Variants in PAPOLG observed in about 807,000 individuals in gnomAD.
PAPOLG encodes poly(A) polymerase gamma.
In PAPOLG, 40 loss-of-function variants were observed where a neutral mutation model predicts 99.0. The ratio of observed to expected loss-of-function variants is 0.40; its 90% confidence interval spans 0.31 to 0.53. The LOEUF (loss-of-function observed/expected upper bound fraction) is 0.53. Among genes scored for constraint, PAPOLG ranks in the 20% least tolerant of loss-of-function variants. PAPOLG has a pLI of 0.41. For missense variants in PAPOLG, 675 were observed against 884.1 expected, an observed-to-expected ratio of 0.76 and a Z score of 3.00; for synonymous variants, 310 against 299.3, an observed-to-expected ratio of 1.04 and a Z score of -0.37.
At chr2:60,783,122 C>A in intron 12 of PAPOLG, 34 bp from the exon 13 acceptor site, 1 of 1,526,036 alleles carries the variant, frequency 6.6e-7, no homozygotes, top group Non-Finnish European at 8.8e-7. Context: ...ATTTTTCTGG[C>A]TTTTTTTCCT....
At chr2:60,789,466 C>T (rs542313608) in intron 15 of PAPOLG, among the ~76,000 whole-genome samples, 1 of 152,162 alleles carries the variant, frequency 6.6e-6, no homozygotes, top group East Asian at 1.9e-4. Flanking sequence ...AACTCCTGGG[C>T]TCAAGCAATT....
chr2:60,791,713 C>A, intron 15 of PAPOLG, 48 bp from the exon 16 acceptor site: 1 of 1,558,386 alleles, frequency 6.4e-7, no homozygotes, highest in African/African-American at 1.4e-5. Flanking sequence ...AGGCAGAACC[C>A]TTGGTTCAGA....
intron 6 of PAPOLG, 83 bp from the exon 7 acceptor site, chr2:60,771,436 T>G (rs1156692100): frequency 1.4e-6 from 2 of 1,452,276 alleles, no homozygotes; most frequent in Non-Finnish European, 1.8e-6. Context: ...ACCAGAGCTT[T>G]TCACATTTTT....
intron 10 of PAPOLG, among the ~76,000 whole-genome samples, chr2:60,781,510 C>T (rs962679229): frequency 6.6e-5 from 10 of 152,290 alleles, no homozygotes; most frequent in African/African-American, 2.4e-4. Context: ...AGTGCTCATT[C>T]CTCTAGGTAA....
At chr2:60,775,652 C>T (rs191635718) in intron 8 of PAPOLG, among the ~76,000 whole-genome samples, 213 of 152,282 alleles carry the variant, frequency 1.4e-3, no homozygotes, top group Non-Finnish European at 2.0e-3. Flanking sequence ...TATTTAAGCA[C>T]ACCTCTGAGA....
intron 8 of PAPOLG, 148 bp downstream of exon 8, chr2:60,775,271 T>G: frequency 2.0e-6 from 2 of 992,786 alleles, no homozygotes; most frequent in Non-Finnish European, 2.9e-6. Flanking sequence ...GCTTTTCAAG[T>G]ACAGTGGTTA....
At position 60,787,075 on chromosome 2, in the gene PAPOLG, A is replaced by C. The variant is rs1376069293; in HGVS notation, c.1286+9A>C. On this transcript the variant is annotated intron_variant, in intron 14 of 21. Coordinates refer to ENST00000238714, the MANE Select transcript of PAPOLG (RefSeq NM_022894.4). ...AAGGAACATCATAAAGAGTAAGTTAATTGTTTTATAATACTTTATTTCTTA... is the reference window on the plus strand; with the variant it reads ...AAGGAACATCATAAAGAGTAAGTTACTTGTTTTATAATACTTTATTTCTTA... 1.3e-6 allele frequency: 2 copies of C among 1,573,876 alleles called. No individual in the cohort carries two copies. The highest frequency in any genetic ancestry group is 1.7e-6 in the Non-Finnish European group (2 of 1,156,854).
intron 3 of PAPOLG, among the ~76,000 whole-genome samples, chr2:60,764,061 C>T (rs1428184272): frequency 6.6e-6 from 1 of 152,162 alleles, no homozygotes; most frequent in Non-Finnish European, 1.5e-5. Flanking sequence ...CTTCGGCCTC[C>T]CAGAGTGCTG....
chr2:60,794,883 G>A (rs1038751385), intron 20 of PAPOLG, 81 bp from the exon 21 acceptor site: 15 of 1,578,222 alleles, frequency 9.5e-6, no homozygotes, highest in South Asian at 3.4e-5. Flanking sequence ...TCAGGTTTTC[G>A]TTAGGTTTTA....
At chr2:60,776,834 T>C (rs1246457533) in intron 8 of PAPOLG, among the ~76,000 whole-genome samples, 1 of 152,226 alleles carries the variant, frequency 6.6e-6, no homozygotes, top group Non-Finnish European at 1.5e-5. Context: ...AAGTCCTAGA[T>C]GGCATCTTCT....
chr2:60,768,186 C>T (rs1209978775), intron 3 of PAPOLG, among the ~76,000 whole-genome samples: 1 of 152,216 alleles, frequency 6.6e-6, no homozygotes, highest in Admixed American at 6.5e-5. Context: ...GCTGCAACCT[C>T]CACCTCCCAG....
intron 10 of PAPOLG, 37 bp from the exon 11 acceptor site, chr2:60,781,848 G>T (rs775811094): frequency 6.2e-7 from 1 of 1,611,608 alleles, no homozygotes; most frequent in Non-Finnish European, 8.5e-7. Context: ...AACTGAAATA[G>T]GAGAATAGAT....
At chr2:60,787,697 G>C (rs1573249913) in intron 15 of PAPOLG, 77 bp downstream of exon 15, 4 of 1,527,480 alleles carry the variant, frequency 2.6e-6, no homozygotes, top group Admixed American at 4.4e-5. Flanking sequence ...AATCTGGCTG[G>C]CTGTACTTAT....
rs547790183 is a variant in PAPOLG at position 60,797,510 on chromosome 2, T to A, written c.*350T>A. 5.1e-6 allele frequency: 1 copy of A among 196,494 alleles called. No homozygotes were observed. The highest frequency in any genetic ancestry group is 2.4e-5 in the African/African-American group (1 of 40,948). The allele number at this position is 196,494 out of a possible 1,614,324, so 12.2% of individuals were successfully genotyped here. The stretch of plus-strand genomic sequence containing the variant: ...TGATAACAAGTCCTGAACTCCTTTT[T>A]TGTTTTGTTTTTTGTGTTTTTCTTT... On this transcript the variant is annotated 3_prime_UTR_variant, in exon 22 of 22. Transcript: ENST00000238714.
Position 60,782,785 on chromosome 2 carries a change from G to C in PAPOLG, c.1112+15G>C. 6 of 1,524,672 alleles carry C rather than the reference G, an allele frequency of 3.9e-6. No individual in the cohort carries two copies. The highest frequency in any genetic ancestry group is 5.2e-6 in the Non-Finnish European group (6 of 1,147,170). 94.4% of individuals were successfully genotyped at this position (1,524,672 alleles called of 1,614,324 possible). A position where few individuals can be genotyped will look rare whatever the true frequency, so the allele number is the denominator to read the frequency against. On this transcript the variant is annotated intron_variant, in intron 12 of 21. Transcript: ENST00000238714. ...CAAAAGTATAGGTACGTGAAATTTT[G>C]TATTTTGTATGTATGTGATTTTTTT...
chr2:60,760,106 G>A (rs755246941), intron 1 of PAPOLG, 28 bp from the exon 2 acceptor site: 3 of 1,601,698 alleles, frequency 1.9e-6, no homozygotes, highest in Admixed American at 1.7e-5. Context: ...TAAATTTTTT[G>A]TTTCATTTTT....
intron 10 of PAPOLG, among the ~76,000 whole-genome samples, chr2:60,780,992 G>A (rs922499172): frequency 1.3e-5 from 2 of 152,064 alleles, no homozygotes; most frequent in East Asian, 1.9e-4. Context: ...ATTAAAAATC[G>A]CCCATGTAAG....
At chr2:60,792,413 G>C (rs1016099443) in intron 17 of PAPOLG, 124 bp downstream of exon 17, 18 of 943,492 alleles carry the variant, frequency 1.9e-5, no homozygotes, top group Non-Finnish European at 2.5e-5. Context: ...TTTACTGGCT[G>C]CTGGTCAATT....
chr2:60,793,513 G>A, intron 17 of PAPOLG, 114 bp from the exon 18 acceptor site: 2 of 1,231,958 alleles, frequency 1.6e-6, no homozygotes, highest in Non-Finnish European at 2.3e-6. Flanking sequence ...GCAGTGAGCT[G>A]TGATTGTGCC....
Sources: gnomAD v4.1 joint callset for allele counts (sites outside exome capture counted in the v4.1 genomes callset) on GRCh38, gnomAD v4.1.1 for gene constraint, MANE v1.5 for transcripts, NCBI Gene and HGNC (gene_info 2026-07-23, HGNC 2026-07-21) for gene names.